The following SQOR variants were observed in gnomAD, a reference collection of about 807,000 sequenced individuals.
The protein encoded by SQOR is sulfide quinone oxidoreductase, also known as sulfide:quinone oxidoreductase, mitochondrial.
SQOR carries 39 observed loss-of-function variants against 48.6 expected under a neutral mutation model. The ratio of observed to expected loss-of-function variants is 0.80; its 90% confidence interval spans 0.62 to 1.05. The LOEUF is 1.05. SQOR is among the 50% of genes least tolerant of loss of function. The pLI is 0.00. For synonymous variants in SQOR, 220 were observed against 206.2 expected (o/e 1.07, Z -0.57); for missense variants, 561 against 559.9 (o/e 1.00, Z -0.02).
intron 5 of SQOR, among the ~76,000 whole-genome samples, chr15:45,675,844 G>C (rs1890026141): frequency 6.6e-6 from 1 of 152,112 alleles, no homozygotes; most frequent in Admixed American, 6.6e-5. Context: ...GTCTTGACCT[G>C]GACCTAACCT....
At position 45,689,143 on chromosome 15, in the gene SQOR, A is replaced by G. The variant is rs1890276401; in HGVS notation, c.1221A>G (p.Gln407=). The change falls in exon 9 of 10, where the codon CAA becomes CAG. Residue 407 remains glutamine, a synonymous_variant. Coordinates refer to ENST00000260324, the MANE Select transcript of SQOR (RefSeq NM_021199.4). ...AEPLETFPFD[Q]SKERLSMYLM... The stretch of plus-strand genomic sequence containing the variant: ...CGCTAGAAACCTTCCCCTTTGATCA[A>G]AGCAAAGAGCGCCTTTCCATGTATC... 1.9e-6 allele frequency: 3 copies of G among 1,614,128 alleles called. No individual in the cohort carries two copies. The highest frequency in any genetic ancestry group is 2.5e-6 in the Non-Finnish European group (3 of 1,180,018).
chr15:45,682,743 A>G, intron 7 of SQOR, 82 bp downstream of exon 7: 1 of 1,519,798 alleles, frequency 6.6e-7, no homozygotes, highest in East Asian at 2.3e-5. Context: ...CAAGCTTGGC[A>G]TCGGCCAGAG....
rs1238349451 is a variant in SQOR, at chr15:45,673,756, A to C, written c.609A>C (p.Gly203=). Residue 203 remains glycine (G), a synonymous_variant, in exon 5 of 10, where the codon GGA becomes GGC. Transcript: ENST00000260324. ...TFPNTPVKCA[G]APQKIMYLSE... ...CAAATACTCCAGTGAAGTGTGCTGG[A>C]GCCCCTCAGAAGATCATGTACTTAT... is the stretch of plus-strand genomic sequence containing the variant. 9.3e-6 allele frequency: 15 copies of C among 1,614,034 alleles called. No individual in the cohort carries two copies. The highest frequency in any genetic ancestry group is 1.3e-5 in the Non-Finnish European group (15 of 1,180,028).
At position 45,664,174 on chromosome 15, in the gene SQOR, CT is replaced by C. The variant is rs551451940; in HGVS notation, c.405+2054del. ...GTTCTCTGATAAGTTAACTCTTCATCTTTTTAGACACGTGGGTTATATGAAA... is the reference window on the plus strand; with the variant it reads ...GTTCTCTGATAAGTTAACTCTTCATCTTTTAGACACGTGGGTTATATGAAA... On this transcript the variant is annotated intron_variant, in intron 3 of 9. Coordinates refer to ENST00000260324, the MANE Select transcript of SQOR (RefSeq NM_021199.4). Among the ~76,000 whole-genome samples the C allele has an allele frequency of 2.0e-4, 30 of 152,248 alleles. No individual in the cohort carries two copies. The South Asian group carries it at 5.6e-3, about 28-fold the overall frequency.
intron 1 of SQOR, among the ~76,000 whole-genome samples, chr15:45,642,827 A>G (rs1034455163): frequency 2.2e-4 from 33 of 152,026 alleles, no homozygotes; most frequent in African/African-American, 7.7e-4. Context: ...ACGTCTTCCG[A>G]AATTATTCTC....
At chr15:45,638,459 A>G (rs1397837038) in intron 1 of SQOR, among the ~76,000 whole-genome samples, 1 of 152,176 alleles carries the variant, frequency 6.6e-6, no homozygotes, top group East Asian at 1.9e-4. Flanking sequence ...ACGGTGGCTC[A>G]CGCCTGTAAT....
At chr15:45,653,922 G>A (rs552833449) in intron 1 of SQOR, among the ~76,000 whole-genome samples, 1 of 152,214 alleles carries the variant, frequency 6.6e-6, no homozygotes, top group South Asian at 2.1e-4. Context: ...GATTACATGA[G>A]GCCAGCCTGG....
intron 2 of SQOR, among the ~76,000 whole-genome samples, 178 bp from the exon 3 acceptor site, chr15:45,661,777 C>T (rs1421044569): frequency 1.3e-5 from 2 of 152,182 alleles, no homozygotes; most frequent in Admixed American, 1.3e-4. Context: ...GACTGTCCTT[C>T]AGAGCTTACC....
chr15:45,652,619 T>G (rs2458584), intron 1 of SQOR, among the ~76,000 whole-genome samples: 73,385 of 146,364 alleles, frequency 0.5, 18,806 homozygotes, highest in East Asian at 0.64. Context: ...AAAGTTTTGG[T>G]ATTACAGGCG....
intron 1 of SQOR, among the ~76,000 whole-genome samples, chr15:45,655,586 G>GA (rs1566917102): frequency 6.6e-6 from 1 of 151,902 alleles, no homozygotes; most frequent in African/African-American, 2.4e-5. Context: ...AAAGAAGAGG[G>GA]AAAATAATTA....
At chr15:45,650,371 T>A (rs1235405587) in intron 1 of SQOR, among the ~76,000 whole-genome samples, 1 of 152,168 alleles carries the variant, frequency 6.6e-6, no homozygotes, top group Non-Finnish European at 1.5e-5. Context: ...CCTTCTAACG[T>A]TCGAATGTGT....
intron 1 of SQOR, among the ~76,000 whole-genome samples, chr15:45,656,590 C>A (rs546111396): frequency 6.6e-6 from 1 of 151,762 alleles, no homozygotes; most frequent in Admixed American, 6.6e-5. Flanking sequence ...CCATGCCCAG[C>A]CAATATTAAT....
At chr15:45,634,786 G>A (rs1208950039), upstream of SQOR, 1 of 152,272 alleles carries the variant, frequency 6.6e-6, no homozygotes, top group African/African-American at 2.4e-5. Context: ...CCCAGCCTGC[G>A]GGGCCGCCCT....
intron 1 of SQOR, among the ~76,000 whole-genome samples, chr15:45,644,485 C>T (rs1895166976): frequency 6.6e-6 from 1 of 152,160 alleles, no homozygotes. Context: ...GAATAGTTGG[C>T]ACATGCATTT....
chr15:45,656,519 T>C (rs777791741), intron 1 of SQOR, among the ~76,000 whole-genome samples: 1 of 151,790 alleles, frequency 6.6e-6, no homozygotes, highest in African/African-American at 2.4e-5. Flanking sequence ...CTCAAACTCC[T>C]GGGCTCAGGT....
chr15:45,688,516 T>C, intron 8 of SQOR, 112 bp downstream of exon 8: 2 of 193,590 alleles, frequency 1.0e-5, no homozygotes, highest in Non-Finnish European at 1.9e-5. Context: ...TCTGTTTTTC[T>C]TTTTTTTTTT....
chr15:45,669,596 G>C (rs1032997254), intron 3 of SQOR, among the ~76,000 whole-genome samples: 5 of 152,196 alleles, frequency 3.3e-5, no homozygotes, highest in Non-Finnish European at 5.9e-5. Context: ...ACACATAGCT[G>C]TCTCAAGCTT....
upstream of SQOR, among the ~76,000 whole-genome samples, chr15:45,632,271 G>A (rs1368912839): frequency 1.3e-5 from 2 of 148,632 alleles, no homozygotes; most frequent in Non-Finnish European, 3.0e-5. Flanking sequence ...CCAGGCTGGA[G>A]TGCAGTGGCA....
intron 4 of SQOR, among the ~76,000 whole-genome samples, chr15:45,670,389 G>C (rs149713788): frequency 6.6e-6 from 1 of 152,180 alleles, no homozygotes; most frequent in Admixed American, 6.5e-5. Context: ...CAGTTAGCTC[G>C]TCTGTTGCTG....
Sources: gnomAD v4.1 joint callset for allele counts (sites outside exome capture counted in the v4.1 genomes callset) on GRCh38, gnomAD v4.1.1 for gene constraint, MANE v1.5 for transcripts, NCBI Gene and HGNC (gene_info 2026-07-23, HGNC 2026-07-21) for gene names.